Variants in RAPGEF4 observed in about 807,000 individuals in gnomAD.
RAPGEF4 encodes the protein RAP guanine-nucleotide-exchange factor (GEF) 4.
Under a neutral mutation model 147.9 loss-of-function variants are expected in RAPGEF4, and 66 were observed. The observed-to-expected ratio is 0.45, with a 90% CI of 0.37 to 0.55. The LOEUF (loss-of-function observed/expected upper bound fraction) is 0.55. Among genes scored for constraint, RAPGEF4 ranks in the 20% least tolerant of loss-of-function variants. The probability of loss-of-function intolerance (pLI) is 0.00; values close to 1 mark genes in which losing one functional copy is unlikely to be tolerated. For missense variants in RAPGEF4, 1,071 were observed against 1,257.3 expected (o/e 0.85, Z 2.24); for synonymous variants, 419 against 442.7 (o/e 0.95, Z 0.67).
At chr2:172,815,930 C>T (rs72908150) in intron 4 of RAPGEF4, among the ~76,000 whole-genome samples, 17,418 of 152,006 alleles carry the variant, frequency 0.11, 1,040 homozygotes, top group South Asian at 0.18. Context: ...ACCCATTCAC[C>T]CCCACTGAAC....
At chr2:172,925,017 G>C (rs1374251058) in intron 6 of RAPGEF4, among the ~76,000 whole-genome samples, 1 of 152,078 alleles carries the variant, frequency 6.6e-6, no homozygotes, top group Non-Finnish European at 1.5e-5. Flanking sequence ...GCATGATCTT[G>C]GCTCACTGCA....
chr2:173,041,365 C>T (rs1387675293), intron 29 of RAPGEF4, among the ~76,000 whole-genome samples: 2 of 152,120 alleles, frequency 1.3e-5, no homozygotes, highest in African/African-American at 4.8e-5. Flanking sequence ...GAGTTTACAT[C>T]TTTGTATAGA....
chr2:172,767,652 G>T (rs1696976606), intron 1 of RAPGEF4, among the ~76,000 whole-genome samples: 1 of 152,106 alleles, frequency 6.6e-6, no homozygotes, highest in Admixed American at 6.6e-5. Context: ...GACACCAAGT[G>T]GTTATATTTC....
intron 4 of RAPGEF4, among the ~76,000 whole-genome samples, chr2:172,881,728 G>A (rs917959902): frequency 1.3e-5 from 2 of 152,228 alleles, no homozygotes; most frequent in Non-Finnish European, 2.9e-5. Context: ...ACATTTTGTT[G>A]TTAGAAATGG....
At chr2:173,031,504 A>C (rs1575565654) in intron 26 of RAPGEF4, among the ~76,000 whole-genome samples, 3 of 152,338 alleles carry the variant, frequency 2.0e-5, no homozygotes, top group Admixed American at 2.0e-4. Flanking sequence ...CCCCTGCCAC[A>C]GAGTCCAAAT....
At chr2:172,847,009 AAG>A (rs1319067969) in intron 4 of RAPGEF4, among the ~76,000 whole-genome samples, 6 of 152,220 alleles carry the variant, frequency 3.9e-5, no homozygotes, top group African/African-American at 1.4e-4. Context: ...TGGCGTGTAG[AAG>A]GTGCCCAGTG....
chr2:172,775,584 C>T (rs544232530), intron 1 of RAPGEF4, among the ~76,000 whole-genome samples: 2 of 152,158 alleles, frequency 1.3e-5, no homozygotes, highest in African/African-American at 4.8e-5. Context: ...ATTTTCCACA[C>T]TGAAGGGTGT....
intron 4 of RAPGEF4, among the ~76,000 whole-genome samples, chr2:172,869,266 T>C (rs192457315): frequency 4.6e-5 from 7 of 152,322 alleles, no homozygotes; most frequent in African/African-American, 1.7e-4. Flanking sequence ...AGGTTTATCA[T>C]GGAAAAAACC....
chr2:172,870,026 A>ACTAGGAGCAAT (rs1378657923), intron 4 of RAPGEF4, among the ~76,000 whole-genome samples: 1 of 152,032 alleles, frequency 6.6e-6, no homozygotes, highest in Non-Finnish European at 1.5e-5. Context: ...CAAACTGGTA[A>ACTAGGAGCAAT]CCTGGGTGTG....
chr2:172,878,976 T>C (rs1696292675), intron 4 of RAPGEF4, among the ~76,000 whole-genome samples: 1 of 152,170 alleles, frequency 6.6e-6, no homozygotes, highest in Non-Finnish European at 1.5e-5. Context: ...CAAATATTAG[T>C]TACATTTTGC....
chr2:172,813,693 A>G (rs1364384110), intron 3 of RAPGEF4, among the ~76,000 whole-genome samples: 2 of 152,184 alleles, frequency 1.3e-5, no homozygotes, highest in Non-Finnish European at 2.9e-5. Context: ...TTAAAAAAAA[A>G]AAACTGAGCT....
intron 23 of RAPGEF4, among the ~76,000 whole-genome samples, chr2:173,023,488 T>A (rs1235148042): frequency 6.6e-6 from 1 of 152,194 alleles, no homozygotes; most frequent in Non-Finnish European, 1.5e-5. Context: ...TGAGCATTTA[T>A]ATTCCCCACT....
intron 3 of RAPGEF4, among the ~76,000 whole-genome samples, chr2:172,799,546 T>C (rs1391259783): frequency 6.6e-6 from 1 of 152,208 alleles, no homozygotes; most frequent in African/African-American, 2.4e-5. Context: ...GCTTTTTTGC[T>C]CAGAGCTGCT....
chr2:172,962,045 T>C (rs1007835085), intron 8 of RAPGEF4, among the ~76,000 whole-genome samples: 1 of 152,192 alleles, frequency 6.6e-6, no homozygotes, highest in African/African-American at 2.4e-5. Flanking sequence ...AGCTGAACCT[T>C]CTGGGATGAC....
At position 173,042,640 on chromosome 2, in the gene RAPGEF4, GAAA is replaced by G. The variant is rs1477146213; in HGVS notation, c.2853+5950_2853+5952del. Among the ~76,000 whole-genome samples, 1 of 151,714 alleles carries G rather than the reference GAAA, an allele frequency of 6.6e-6. No individual in the cohort carries two copies. Among genetic ancestry groups the G allele is most frequent in the Non-Finnish European group, 1.5e-5 (1 of 67,938 alleles). ...TCCAAATCAAAAAAAAAAAGGGAAA[GAAA>G]ATTGGATTAACCAAAATGTCCCAAA... On this transcript the variant is annotated intron_variant, in intron 29 of 30. Coordinates refer to ENST00000397081, the MANE Select transcript of RAPGEF4 (RefSeq NM_007023.4). The surrounding 1 kb of genome is among the most constrained non-coding windows in gnomAD (Gnocchi z 4.2).
intron 1 of RAPGEF4, among the ~76,000 whole-genome samples, chr2:172,783,059 G>A (rs1036371665): frequency 6.6e-6 from 1 of 152,094 alleles, no homozygotes; most frequent in Admixed American, 6.5e-5. Context: ...CTGTAGATCT[G>A]TTCAAAAAAT....
intron 29 of RAPGEF4, among the ~76,000 whole-genome samples, chr2:173,043,050 G>A (rs1684962702): frequency 6.6e-6 from 1 of 152,078 alleles, no homozygotes; most frequent in African/African-American, 2.4e-5. Flanking sequence ...TGGCCATTTG[G>A]TTGCTATCAC....
At chr2:173,014,806 C>A (rs1992808) in intron 18 of RAPGEF4, among the ~76,000 whole-genome samples, 192 bp downstream of exon 18, 117,594 of 152,138 alleles carry the variant, frequency 0.77, 45,581 homozygotes, top group East Asian at 1. Flanking sequence ...TTCTGACTCC[C>A]TAATGGGTAG....
chr2:172,836,577 C>A (rs941312463), intron 4 of RAPGEF4, among the ~76,000 whole-genome samples: 4 of 152,196 alleles, frequency 2.6e-5, no homozygotes, highest in African/African-American at 4.8e-5. Context: ...CTTCCTCCCC[C>A]AAATGGAGCA....
Sources: allele counts gnomAD v4.1 joint callset (sites outside exome capture counted in the v4.1 genomes callset), GRCh38; gene constraint gnomAD v4.1.1; non-coding constraint Gnocchi (gnomAD v3.1); transcripts MANE v1.5; gene names NCBI Gene and HGNC (gene_info 2026-07-23, HGNC 2026-07-21).